ADAM22: variants seen among roughly 807,000 people sequenced by gnomAD.
ADAM22 encodes disintegrin and metalloproteinase domain-containing protein 22.
In ADAM22, 65 loss-of-function variants were observed where a neutral mutation model predicts 144.6. The observed-to-expected ratio is 0.45, with a 90% CI of 0.37 to 0.55. ADAM22 has a LOEUF of 0.55. Ranked by LOEUF, ADAM22 falls within the 20% of genes least tolerant of loss-of-function variation. The probability of loss-of-function intolerance (pLI) is 0.00; values close to 1 mark genes in which losing one functional copy is unlikely to be tolerated. For synonymous variants in ADAM22, 391 were observed against 412.6 expected, an observed-to-expected ratio of 0.95 and a Z score of 0.63; for missense variants, 974 against 1,184.9, an observed-to-expected ratio of 0.82 and a Z score of 2.61.
chr7:88,071,971 A>C (rs994874423), intron 3 of ADAM22, among the ~76,000 whole-genome samples: 3 of 152,064 alleles, frequency 2.0e-5, no homozygotes, highest in Non-Finnish European at 4.4e-5. Context: ...AGAAAATAAC[A>C]AGATAATTTG....
At chr7:88,092,144 T>C (rs1178030873) in intron 4 of ADAM22, among the ~76,000 whole-genome samples, 1 of 152,206 alleles carries the variant, frequency 6.6e-6, no homozygotes, top group East Asian at 1.9e-4. Context: ...CTTTTGCCTA[T>C]GTGTAAATTT....
chr7:87,971,803 T>A (rs527588071), intron 2 of ADAM22, among the ~76,000 whole-genome samples: 1 of 152,378 alleles, frequency 6.6e-6, no homozygotes, highest in African/African-American at 2.4e-5. Flanking sequence ...AGAGCCATCC[T>A]GGCTCACTTC....
At chr7:88,170,310 A>G (rs1212107250) in intron 25 of ADAM22, among the ~76,000 whole-genome samples, 1 of 152,000 alleles carries the variant, frequency 6.6e-6, no homozygotes, top group Non-Finnish European at 1.5e-5. Flanking sequence ...TAATAGAGGA[A>G]TTAAATTCAT....
At chr7:87,961,614 T>C (rs1299239133) in intron 2 of ADAM22, among the ~76,000 whole-genome samples, 1 of 152,228 alleles carries the variant, frequency 6.6e-6, no homozygotes, top group Non-Finnish European at 1.5e-5. Flanking sequence ...CAGGATGTTT[T>C]ATCTGGTGCG....
In ADAM22 at chr7:88,196,696, G is replaced by T. The variant is rs1394078207; in HGVS notation, c.*205G>T. The T allele has an allele frequency of 5.0e-6, 3 of 594,704 alleles. No homozygotes were observed. The highest frequency in any genetic ancestry group is 2.9e-5 in the Admixed American group (1 of 34,384). The allele number at this position is 594,704 out of a possible 1,614,324, so 36.8% of individuals were successfully genotyped here. ...CTTAGGATTTAACTAACCATGAAAA[G>T]AACTACTGAAATATTACACTATAAC... On this transcript the variant is annotated 3_prime_UTR_variant, in exon 32 of 32. Coordinates refer to ENST00000413139, the MANE Select transcript of ADAM22 (RefSeq NM_001324418.2).
chr7:88,000,128 CT>C (rs1359223282), intron 3 of ADAM22, among the ~76,000 whole-genome samples: 7 of 151,538 alleles, frequency 4.6e-5, no homozygotes, highest in African/African-American at 1.7e-4. Flanking sequence ...GTTAAGTAAT[CT>C]CTCATTATTC....
intron 3 of ADAM22, among the ~76,000 whole-genome samples, chr7:87,996,641 G>A (rs966859733): frequency 6.6e-6 from 1 of 152,194 alleles, no homozygotes; most frequent in African/African-American, 2.4e-5. Flanking sequence ...CAGTGCAAGA[G>A]TTCATATAGA....
chr7:87,982,199 T>C (rs972557071), intron 3 of ADAM22, among the ~76,000 whole-genome samples: 5 of 151,750 alleles, frequency 3.3e-5, no homozygotes, highest in African/African-American at 9.7e-5. Flanking sequence ...AAACAAAGAC[T>C]TTACTCTTAG....
At chr7:88,000,810 T>G (rs1584932486) in intron 3 of ADAM22, among the ~76,000 whole-genome samples, 1 of 152,210 alleles carries the variant, frequency 6.6e-6, no homozygotes, top group East Asian at 1.9e-4. Context: ...CATATTTTTT[T>G]CAGCAGGAAT....
At chr7:88,171,605 CT>C (rs1318074357) in intron 26 of ADAM22, 44 bp downstream of exon 26, 1 of 1,513,522 alleles carries the variant, frequency 6.6e-7, no homozygotes, top group Non-Finnish European at 8.9e-7. Flanking sequence ...AAAGGTTTGA[CT>C]CATATTAGCA....
chr7:88,013,794 A>T (rs1435440655), intron 3 of ADAM22, among the ~76,000 whole-genome samples: 3 of 152,224 alleles, frequency 2.0e-5, no homozygotes, highest in Non-Finnish European at 4.4e-5. Context: ...GTTCATACTC[A>T]TAGGAAAAGT....
intron 2 of ADAM22, among the ~76,000 whole-genome samples, chr7:87,947,111 G>A (rs1843867028): frequency 6.6e-6 from 1 of 151,552 alleles, no homozygotes; most frequent in Admixed American, 6.6e-5. Flanking sequence ...ACTATGCTCA[G>A]CATCTGCGTG....
At chr7:88,081,592 C>A (rs1249091747) in intron 4 of ADAM22, among the ~76,000 whole-genome samples, 1 of 150,094 alleles carries the variant, frequency 6.7e-6, no homozygotes, top group Non-Finnish European at 1.5e-5. Context: ...CTAGAAAACC[C>A]CATTGTCTCA....
chr7:87,954,465 G>T (rs567656693), intron 2 of ADAM22, among the ~76,000 whole-genome samples: 5 of 152,074 alleles, frequency 3.3e-5, no homozygotes, highest in East Asian at 1.9e-4. Context: ...ATGTTGAATA[G>T]TGGCCCCCAC....
intron 22 of ADAM22, among the ~76,000 whole-genome samples, chr7:88,159,792 A>G (rs1841052844): frequency 6.6e-6 from 1 of 152,186 alleles, no homozygotes; most frequent in South Asian, 2.1e-4. Flanking sequence ...CCCACAGCCA[A>G]CATCATACTG....
intron 2 of ADAM22, among the ~76,000 whole-genome samples, chr7:87,955,123 C>T (rs991892784): frequency 6.6e-6 from 1 of 152,196 alleles, no homozygotes; most frequent in Non-Finnish European, 1.5e-5. Context: ...CTGAAGCCTT[C>T]TTCTCTCAAC....
intron 3 of ADAM22, among the ~76,000 whole-genome samples, chr7:88,064,007 T>A (rs959902273): frequency 6.6e-6 from 1 of 152,144 alleles, no homozygotes; most frequent in African/African-American, 2.4e-5. Flanking sequence ...CAGTTTACAA[T>A]GAAGTGAGAA....
intron 4 of ADAM22, among the ~76,000 whole-genome samples, chr7:88,091,034 GAT>G (rs1237860769): frequency 6.6e-6 from 1 of 152,124 alleles, no homozygotes; most frequent in Non-Finnish European, 1.5e-5. Flanking sequence ...TTATAGTTTT[GAT>G]GGTTAGTATA....
At chr7:88,060,440 A>C (rs1809459887) in intron 3 of ADAM22, among the ~76,000 whole-genome samples, 1 of 152,184 alleles carries the variant, frequency 6.6e-6, no homozygotes, top group South Asian at 2.1e-4. Context: ...AACAGTGTTC[A>C]CAACATTTTC....
Sources: allele counts gnomAD v4.1 joint callset (sites outside exome capture counted in the v4.1 genomes callset), GRCh38; gene constraint gnomAD v4.1.1; transcripts MANE v1.5; gene names NCBI Gene and HGNC (gene_info 2026-07-23, HGNC 2026-07-21).